FRMD4A: variants seen among roughly 807,000 people sequenced by gnomAD.
The protein encoded by FRMD4A is FERM domain-containing protein 4A.
FRMD4A carries 29 observed loss-of-function variants against 129.1 expected under a neutral mutation model. That is an observed-to-expected ratio of 0.22 (90% CI 0.17 to 0.31). The LOEUF (loss-of-function observed/expected upper bound fraction) is 0.31. Ranked by LOEUF, FRMD4A falls within the 10% of genes least tolerant of loss-of-function variation. The probability of loss-of-function intolerance (pLI) is 1.00; values close to 1 mark genes in which losing one functional copy is unlikely to be tolerated. For missense variants in FRMD4A, 1,272 were observed against 1,375.8 expected, an observed-to-expected ratio of 0.92 and a Z score of 1.19; for synonymous variants, 634 against 571.6, an observed-to-expected ratio of 1.11 and a Z score of -1.56.
At chr10:13,786,330 T>C (rs765927966) in intron 5 of FRMD4A, among the ~76,000 whole-genome samples, 4 of 152,222 alleles carry the variant, frequency 2.6e-5, no homozygotes, top group Non-Finnish European at 5.9e-5. Context: ...AATAAATCTA[T>C]ATCGTAGCTC....
intron 2 of FRMD4A, among the ~76,000 whole-genome samples, chr10:14,064,657 A>C (rs1301312139): frequency 6.6e-6 from 1 of 152,098 alleles, no homozygotes; most frequent in Non-Finnish European, 1.5e-5. Flanking sequence ...GGCTCACTGC[A>C]ACCTCTGCCT....
At chr10:13,971,474 C>T (rs148914864) in intron 2 of FRMD4A, among the ~76,000 whole-genome samples, 4 of 152,150 alleles carry the variant, frequency 2.6e-5, no homozygotes, top group Admixed American at 1.3e-4. Flanking sequence ...CTTCACGTGG[C>T]GCACCGTATG....
intron 14 of FRMD4A, among the ~76,000 whole-genome samples, chr10:13,694,510 G>C (rs2086030839): frequency 6.6e-6 from 1 of 152,120 alleles, no homozygotes; most frequent in Admixed American, 6.5e-5. Flanking sequence ...AACAAACACT[G>C]TGGTTATAAT....
intron 3 of FRMD4A, among the ~76,000 whole-genome samples, chr10:13,836,469 C>G (rs12358599): frequency 6.6e-6 from 1 of 151,940 alleles, no homozygotes; most frequent in Non-Finnish European, 1.5e-5. Context: ...ATTGACAATT[C>G]TTTGGGGGGC....
chr10:13,752,394 T>C (rs1223006044), intron 8 of FRMD4A, among the ~76,000 whole-genome samples: 2 of 152,210 alleles, frequency 1.3e-5, no homozygotes, highest in Non-Finnish European at 2.9e-5. Context: ...AAATTAAACC[T>C]GAGAGGGAAG....
intron 20 of FRMD4A, 124 bp from the exon 21 acceptor site, chr10:13,659,614 T>G: frequency 1.1e-6 from 1 of 901,094 alleles, no homozygotes; most frequent in Non-Finnish European, 1.7e-6. Context: ...CCACCTCGCT[T>G]GGTCAGACCT....
intron 2 of FRMD4A, among the ~76,000 whole-genome samples, chr10:14,201,828 T>C (rs1039451378): frequency 2.0e-5 from 3 of 152,150 alleles, no homozygotes; most frequent in African/African-American, 7.2e-5. Flanking sequence ...AAGACCTTCG[T>C]GTCTTTAAAA....
chr10:14,322,111 T>A (rs1056942458), intron 2 of FRMD4A, among the ~76,000 whole-genome samples: 3 of 152,160 alleles, frequency 2.0e-5, no homozygotes, highest in African/African-American at 7.2e-5. Context: ...AAATTACCCA[T>A]TCTCAGGTAC....
chr10:13,765,995 C>T (rs117831991), intron 6 of FRMD4A, among the ~76,000 whole-genome samples: 27 of 152,268 alleles, frequency 1.8e-4, no homozygotes, highest in South Asian at 6.2e-4. Flanking sequence ...TTATCTGATG[C>T]GCAACTCAAA....
intron 2 of FRMD4A, among the ~76,000 whole-genome samples, chr10:13,992,249 G>C (rs938772686): frequency 6.6e-6 from 1 of 152,200 alleles, no homozygotes; most frequent in African/African-American, 2.4e-5. Context: ...AGTGGTTCAA[G>C]GGGTTTCTAC....
At chr10:14,249,072 C>T (rs1393260335) in intron 2 of FRMD4A, among the ~76,000 whole-genome samples, 2 of 152,092 alleles carry the variant, frequency 1.3e-5, no homozygotes, top group East Asian at 3.9e-4. Context: ...AATAACCGGC[C>T]GGATGCAGTG....
At chr10:13,775,281 G>A (rs1167788425) in intron 6 of FRMD4A, among the ~76,000 whole-genome samples, 1 of 152,184 alleles carries the variant, frequency 6.6e-6, no homozygotes, top group African/African-American at 2.4e-5. Context: ...CCCACATCAG[G>A]GCACCCATCC....
chr10:14,282,061 G>A (rs1362495305), intron 2 of FRMD4A, among the ~76,000 whole-genome samples: 3 of 152,126 alleles, frequency 2.0e-5, no homozygotes, highest in Non-Finnish European at 4.4e-5. Flanking sequence ...GCAAGAGAAA[G>A]AATGAGAACC....
At chr10:14,167,538 C>CAA (rs59290414) in intron 2 of FRMD4A, among the ~76,000 whole-genome samples, 980 of 56,842 alleles carry the variant, frequency 0.017, 14 homozygotes, top group Middle Eastern at 0.053. Flanking sequence ...CTCCGTCTCT[C>CAA]AAAAAAAAAA....
chr10:14,124,600 C>T (rs1270697747), intron 2 of FRMD4A, among the ~76,000 whole-genome samples: 1 of 152,132 alleles, frequency 6.6e-6, no homozygotes, highest in Non-Finnish European at 1.5e-5. Flanking sequence ...CTCGTGAACC[C>T]AGGAGGCGGA....
At position 13,872,547 on chromosome 10, in the gene FRMD4A, G is replaced by T. The variant is rs7898937; in HGVS notation, c.46-13635C>A. Among the ~76,000 whole-genome samples, 7 of 152,248 alleles carry T rather than the reference G, an allele frequency of 4.6e-5. No homozygotes were observed. In the East Asian group the frequency reaches 1.4e-3, roughly 29 times the overall value. ...AATGTCCAGGTTCTTACGCATGCACGTAATTCTTATTCACAGCACATGCGT... is the reference window on the plus strand; with the variant it reads ...AATGTCCAGGTTCTTACGCATGCACTTAATTCTTATTCACAGCACATGCGT... On this transcript the variant is annotated intron_variant, in intron 2 of 24. Transcript: ENST00000357447.
At chr10:13,968,897 C>G (rs1037215667) in intron 2 of FRMD4A, among the ~76,000 whole-genome samples, 3 of 152,168 alleles carry the variant, frequency 2.0e-5, no homozygotes, top group Non-Finnish European at 4.4e-5. Context: ...GCTCTCTGCA[C>G]TTTTCTCAAA....
intron 2 of FRMD4A, among the ~76,000 whole-genome samples, chr10:14,267,501 G>A (rs975725802): frequency 9.2e-5 from 14 of 152,130 alleles, no homozygotes; most frequent in Admixed American, 3.3e-4. Context: ...CCAATTTCAA[G>A]GCCCTTATTT....
chr10:14,010,021 C>T (rs1588760701), intron 2 of FRMD4A, among the ~76,000 whole-genome samples: 1 of 152,072 alleles, frequency 6.6e-6, no homozygotes, highest in Non-Finnish European at 1.5e-5. Flanking sequence ...CTGCACTTGA[C>T]GTTGTAACGG....
Sources: allele counts gnomAD v4.1 joint callset (sites outside exome capture counted in the v4.1 genomes callset), GRCh38; gene constraint gnomAD v4.1.1; transcripts MANE v1.5; gene names NCBI Gene and HGNC (gene_info 2026-07-23, HGNC 2026-07-21).